The following NTN1 variants were observed in gnomAD, a reference collection of about 807,000 sequenced individuals.
The protein encoded by NTN1 is netrin-1.
NTN1 carries 11 observed loss-of-function variants against 54.2 expected under a neutral mutation model. That is an observed-to-expected ratio of 0.20 (90% CI 0.13 to 0.34). NTN1 has a LOEUF of 0.34. Among genes scored for constraint, NTN1 ranks in the 10% least tolerant of loss-of-function variants. The pLI, the probability that NTN1 is intolerant of heterozygous loss-of-function variation, is 1.00. For synonymous variants in NTN1, 371 were observed against 382.0 expected, an observed-to-expected ratio of 0.97 and a Z score of 0.33; for missense variants, 740 against 893.1, an observed-to-expected ratio of 0.83 and a Z score of 2.18.
At chr17:9,215,428 G>A (rs1238599584) in intron 5 of NTN1, among the ~76,000 whole-genome samples, 1 of 152,174 alleles carries the variant, frequency 6.6e-6, no homozygotes, top group African/African-American at 2.4e-5. Flanking sequence ...TTCATCACCA[G>A]TAAGCACAGA....
intron 5 of NTN1, among the ~76,000 whole-genome samples, chr17:9,203,402 G>C (rs1317989279): frequency 6.6e-6 from 1 of 152,196 alleles, no homozygotes; most frequent in African/African-American, 2.4e-5. Flanking sequence ...AACACTTGGA[G>C]GTTTCTATCA....
chr17:9,009,818 A>G, the NTN1 span, among the ~76,000 whole-genome samples: 15 of 152,314 alleles, frequency 9.8e-5, no homozygotes, highest in South Asian at 3.1e-3. Context: ...TGAATACAGC[A>G]GGTGTTCCCT....
At chr17:9,131,804 T>G (rs887189946) in intron 2 of NTN1, among the ~76,000 whole-genome samples, 2 of 151,788 alleles carry the variant, frequency 1.3e-5, no homozygotes, top group Admixed American at 1.3e-4. Context: ...GATGCTTTTT[T>G]TTATTATTAT....
rs149945357 is a variant in NTN1, at chr17:9,180,230, G to A, written c.1357+274G>A. ...ATTTTTGTCTTTTTAATAGAGATGGGATTTCGCTGTGTTGGCCAGGCTGGT... is the reference window on the plus strand; with the variant it reads ...ATTTTTGTCTTTTTAATAGAGATGGAATTTCGCTGTGTTGGCCAGGCTGGT... On this transcript the variant is annotated intron_variant, in intron 4 of 6. Transcript: ENST00000173229. Among the ~76,000 whole-genome samples, 750 of 152,352 alleles carry A rather than the reference G, an allele frequency of 4.9e-3. 4 individuals carry two copies. The highest frequency in any genetic ancestry group is 0.018 in the African/African-American group (728 of 41,582).
chr17:9,112,155 G>A (rs2092193690), intron 2 of NTN1, among the ~76,000 whole-genome samples: 1 of 152,222 alleles, frequency 6.6e-6, no homozygotes, highest in East Asian at 1.9e-4. Context: ...CTGCGCCTGT[G>A]GCTGTATCCC....
intron 2 of NTN1, among the ~76,000 whole-genome samples, chr17:9,150,763 G>A (rs747528746): frequency 1.2e-4 from 19 of 152,004 alleles, no homozygotes; most frequent in Admixed American, 2.0e-4. Context: ...GGGCAGGGAA[G>A]AGAAAAGGCT....
chr17:9,010,849 C>T, the NTN1 span, among the ~76,000 whole-genome samples: 1 of 152,220 alleles, frequency 6.6e-6, no homozygotes, highest in South Asian at 2.1e-4. Flanking sequence ...TGGGATGATC[C>T]AAGCGCATTA....
intron 4 of NTN1, among the ~76,000 whole-genome samples, chr17:9,181,590 G>A (rs1381020258): frequency 6.6e-6 from 1 of 152,194 alleles, no homozygotes; most frequent in Non-Finnish European, 1.5e-5. Context: ...CCCAAATTGA[G>A]GGCTGTGTCC....
At chr17:9,120,042 A>C (rs900880878) in intron 2 of NTN1, among the ~76,000 whole-genome samples, 2 of 152,200 alleles carry the variant, frequency 1.3e-5, no homozygotes, top group Non-Finnish European at 2.9e-5. Flanking sequence ...GCACTTTGGG[A>C]GACCGAGGCG....
At chr17:9,112,270 C>T (rs982441179) in intron 2 of NTN1, among the ~76,000 whole-genome samples, 1 of 152,224 alleles carries the variant, frequency 6.6e-6, no homozygotes, top group Non-Finnish European at 1.5e-5. Flanking sequence ...TACATTTCTA[C>T]AATTATGGAA....
chr17:9,188,950 G>GC (rs1904375928), intron 5 of NTN1, among the ~76,000 whole-genome samples: 1 of 152,202 alleles, frequency 6.6e-6, no homozygotes, highest in Non-Finnish European at 1.5e-5. Context: ...GAAGCGGGAT[G>GC]TTAGGCTGTC....
At chr17:9,183,031 G>C in intron 5 of NTN1, 62 bp downstream of exon 5, 2 of 1,399,948 alleles carry the variant, frequency 1.4e-6, no homozygotes, top group Non-Finnish European at 2.0e-6. Flanking sequence ...GGTGGGGTGG[G>C]TTAATGGGGA....
At chr17:9,231,385 C>T (rs945068541) in intron 6 of NTN1, among the ~76,000 whole-genome samples, 8 of 152,230 alleles carry the variant, frequency 5.3e-5, no homozygotes, top group African/African-American at 7.2e-5. Flanking sequence ...CATCCGGCAG[C>T]GCTCAGCTCT....
chr17:9,163,577 A>T (rs1165195874), intron 3 of NTN1, among the ~76,000 whole-genome samples: 1 of 150,672 alleles, frequency 6.6e-6, no homozygotes, highest in Admixed American at 6.6e-5. Context: ...AGGAACATTT[A>T]ATCCATCTGC....
At chr17:9,060,385 CTGTTTA>C (rs1165617729) in intron 2 of NTN1, among the ~76,000 whole-genome samples, 1 of 152,148 alleles carries the variant, frequency 6.6e-6, no homozygotes, top group African/African-American at 2.4e-5. Flanking sequence ...GTATTATTAA[CTGTTTA>C]TGTTATCCAT....
intron 2 of NTN1, among the ~76,000 whole-genome samples, chr17:9,110,552 C>A (rs911152393): frequency 1.4e-4 from 22 of 152,072 alleles, no homozygotes; most frequent in Admixed American, 2.6e-4. Flanking sequence ...GGATTACAGG[C>A]CTGAGCCACC....
At chr17:9,235,107 T>C (rs1156477166) in intron 6 of NTN1, among the ~76,000 whole-genome samples, 2 of 151,856 alleles carry the variant, frequency 1.3e-5, no homozygotes, top group African/African-American at 2.4e-5. Context: ...GGATTACAGG[T>C]GTCCACCACC....
At position 9,061,133 on chromosome 17, in the gene NTN1, A is replaced by T. The variant is rs542607469; in HGVS notation, c.1018+37742A>T. The stretch of plus-strand genomic sequence containing the variant: ...AAGATCATCATGTTCTTTTGTAGTG[A>T]TAGAGCATTCTGATCCAACCAACAG... On this transcript the variant is annotated intron_variant, in intron 2 of 6. Transcript: ENST00000173229. Among the ~76,000 whole-genome samples the T allele has an allele frequency of 2.6e-5, 4 of 152,244 alleles. No homozygotes were observed. The South Asian group carries it at 8.3e-4, about 32-fold the overall frequency.
chr17:9,007,656 C>CCCTT, the NTN1 span, among the ~76,000 whole-genome samples: 6 of 146,524 alleles, frequency 4.1e-5, no homozygotes, highest in African/African-American at 1.5e-4. Context: ...TTCCTTCCCT[C>CCCTT]CCTTCCTTCC....
Sources: allele counts gnomAD v4.1 joint callset (sites outside exome capture counted in the v4.1 genomes callset), GRCh38; gene constraint gnomAD v4.1.1; transcripts MANE v1.5; gene names NCBI Gene and HGNC (gene_info 2026-07-23, HGNC 2026-07-21).